The following USP36 variants were observed in gnomAD, a reference collection of about 807,000 sequenced individuals.
USP36 encodes ubiquitin carboxyl-terminal hydrolase 36.
A neutral mutation model predicts 111.5 loss-of-function variants in USP36; 59 were observed. The ratio of observed to expected loss-of-function variants is 0.53; its 90% confidence interval spans 0.43 to 0.66. The LOEUF (loss-of-function observed/expected upper bound fraction) is 0.66. USP36 is among the 30% of genes least tolerant of loss of function. The pLI, the probability that USP36 is intolerant of heterozygous loss-of-function variation, is 0.00. For missense variants in USP36, 1,488 were observed against 1,468.0 expected (o/e 1.01, Z -0.22); for synonymous variants, 628 against 581.0 (o/e 1.08, Z -1.16).
intron 2 of USP36, among the ~76,000 whole-genome samples, chr17:78,838,371 CAA>C (rs1195525371): frequency 6.8e-5 from 4 of 58,450 alleles, no homozygotes; most frequent in Non-Finnish European, 1.1e-4. Context: ...GACTTGGTCT[CAA>C]AAAAAAAAAA....
At chr17:78,836,798 G>GACACACACAC (rs71365539) in intron 2 of USP36, among the ~76,000 whole-genome samples, 36 of 145,814 alleles carry the variant, frequency 2.5e-4, no homozygotes, top group Non-Finnish European at 3.7e-4. Flanking sequence ...TACACACACG[G>GACACACACAC]ACACACACAC....
chr17:78,788,116 T>C (rs2889479), intron 3 of USP36, among the ~76,000 whole-genome samples: 82,592 of 152,000 alleles, frequency 0.54, 22,544 homozygotes, highest in East Asian at 0.63. Context: ...AGCGAGTACA[T>C]GAAGCTCTGC....
At chr17:78,801,166 C>T (rs1442471501) in intron 17 of USP36, among the ~76,000 whole-genome samples, 2 of 151,836 alleles carry the variant, frequency 1.3e-5, no homozygotes, top group South Asian at 2.1e-4. Context: ...TTAGTAGAGA[C>T]GGGGTTTCAC....
intron 10 of USP36, among the ~76,000 whole-genome samples, chr17:78,815,925 T>C (rs531770781): frequency 4.9e-4 from 75 of 151,734 alleles, no homozygotes; most frequent in Admixed American, 9.2e-4. Flanking sequence ...TACGCACACA[T>C]ACACACACAT....
At chr17:78,793,551 A>T (rs2093600232), downstream of USP36, among the ~76,000 whole-genome samples, 1 of 151,908 alleles carries the variant, frequency 6.6e-6, no homozygotes, top group Non-Finnish European at 1.5e-5. Context: ...CAAGAGTGTG[A>T]CTCCAGGGAG....
rs115856516 is a variant in USP36 at position 78,823,163 on chromosome 17, C to T, written c.690-1159G>A. On this transcript the variant is annotated intron_variant, in intron 6 of 20. Coordinates refer to ENST00000449938, the MANE Select transcript of USP36 (RefSeq NM_001385174.1). ...CTCTGAAATACTTGGGGGACCAATA[C>T]AGGATCATTCAATTTTTATTCTGCA... 4.1e-3 allele frequency: 1,624 copies of T among 398,712 alleles called. 24 individuals carry two copies. Among genetic ancestry groups the T allele is most frequent in the African/African-American group, 0.026 (1,264 of 48,734 alleles). 24.7% of individuals were successfully genotyped at this position (398,712 alleles called of 1,614,324 possible).
chr17:78,803,262 A>T lies in USP36; in HGVS notation c.2810+123T>A. ...AGAGGAGACATCTGATCACAAATCCACATTTTAGAAAACCACGCAAGCAGA... is the reference window on the plus strand; with the variant it reads ...AGAGGAGACATCTGATCACAAATCCTCATTTTAGAAAACCACGCAAGCAGA... On this transcript the variant is annotated intron_variant, in intron 16 of 20. Coordinates refer to ENST00000449938, the MANE Select transcript of USP36 (RefSeq NM_001385174.1). This position sits in a 1 kb window ranked among gnomAD's most constrained non-coding sequence, Gnocchi z 4.6. 1 of 1,085,194 alleles carries T rather than the reference A, an allele frequency of 9.2e-7. No individual in the cohort carries two copies. The highest frequency in any genetic ancestry group is 1.3e-6 in the Non-Finnish European group (1 of 757,318). 67.2% of individuals were successfully genotyped at this position (1,085,194 alleles called of 1,614,324 possible). A position where few individuals can be genotyped will look rare whatever the true frequency, so the allele number is the denominator to read the frequency against.
chr17:78,817,231 T>G (rs1456748512), intron 10 of USP36, among the ~76,000 whole-genome samples: 2 of 152,226 alleles, frequency 1.3e-5, no homozygotes, highest in East Asian at 3.8e-4. Context: ...GTAAATGCAC[T>G]CTATGATGTT....
At chr17:78,838,388 A>C (rs1165297115) in intron 2 of USP36, among the ~76,000 whole-genome samples, 199 bp downstream of exon 2, 25 of 149,084 alleles carry the variant, frequency 1.7e-4, no homozygotes, top group Non-Finnish European at 2.2e-4. Flanking sequence ...AAAAAAAAAC[A>C]AAAAACAAAA....
At chr17:78,799,182 C>A (rs567217359) in intron 18 of USP36, among the ~76,000 whole-genome samples, 159 bp from the exon 19 acceptor site, 1 of 152,274 alleles carries the variant, frequency 6.6e-6, no homozygotes, top group South Asian at 2.1e-4. Context: ...GACGGCTCGA[C>A]GCCCATGTGT....
chr17:78,819,841 G>C, intron 9 of USP36, 89 bp downstream of exon 9: 1 of 1,374,756 alleles, frequency 7.3e-7, no homozygotes, highest in South Asian at 1.2e-5. Flanking sequence ...TCACCGCTAA[G>C]GAAGAGTGGG....
intron 10 of USP36, among the ~76,000 whole-genome samples, chr17:78,817,043 C>T (rs2376829): frequency 0.31 from 47,228 of 152,056 alleles, 8,596 homozygotes; most frequent in African/African-American, 0.52. Flanking sequence ...TATACAACAG[C>T]GATCCCATAA....
intron 4 of USP36, among the ~76,000 whole-genome samples, chr17:78,830,622 C>A (rs964777824): frequency 5.9e-5 from 9 of 152,304 alleles, no homozygotes; most frequent in African/African-American, 2.2e-4. Context: ...TCAAATAGAT[C>A]CATCTCATAA....
At chr17:78,820,101 G>T in intron 8 of USP36, 89 bp from the exon 9 acceptor site, 1 of 1,388,454 alleles carries the variant, frequency 7.2e-7, no homozygotes. Context: ...TTTTTAGGCT[G>T]AGGCAGCAAA....
intron 10 of USP36, among the ~76,000 whole-genome samples, chr17:78,815,225 A>G (rs7217654): frequency 0.13 from 20,315 of 152,030 alleles, 3,340 homozygotes; most frequent in African/African-American, 0.39. Context: ...CCAGCTACTC[A>G]GGAGGCTGAG....
chr17:78,810,543 G>A (rs1311392213), intron 13 of USP36, among the ~76,000 whole-genome samples: 1 of 152,152 alleles, frequency 6.6e-6, no homozygotes, highest in Non-Finnish European at 1.5e-5. Flanking sequence ...GCTTCCCAAA[G>A]TGTTGGAATT....
chr17:78,810,499 C>T (rs1337660963), intron 13 of USP36, among the ~76,000 whole-genome samples: 2 of 152,032 alleles, frequency 1.3e-5, no homozygotes, highest in African/African-American at 2.4e-5. Context: ...AGGTTGGTCT[C>T]GAACTCCTGG....
intron 4 of USP36, among the ~76,000 whole-genome samples, chr17:78,829,701 C>A (rs1481029156): frequency 6.6e-6 from 1 of 152,204 alleles, no homozygotes; most frequent in Non-Finnish European, 1.5e-5. Flanking sequence ...AGTCTGCCCA[C>A]CCCTGCGCTA....
At chr17:78,811,164 C>T (rs552193197) in intron 13 of USP36, among the ~76,000 whole-genome samples, 50 of 105,540 alleles carry the variant, frequency 4.7e-4, no homozygotes, top group Middle Eastern at 9.1e-3. Flanking sequence ...AAGAAACAGT[C>T]ATCAAGAGGG....
Sources: gnomAD v4.1 joint callset for allele counts (sites outside exome capture counted in the v4.1 genomes callset) on GRCh38, gnomAD v4.1.1 for gene constraint, Gnocchi (gnomAD v3.1) non-coding constraint, MANE v1.5 for transcripts, NCBI Gene and HGNC (gene_info 2026-07-23, HGNC 2026-07-21) for gene names.